Variants in ABTB1 observed in about 807,000 individuals in gnomAD.
ABTB1 encodes ankyrin repeat and BTB/POZ domain-containing protein 1.
ABTB1 carries 45 observed loss-of-function variants against 57.1 expected under a neutral mutation model. The ratio of observed to expected loss-of-function variants is 0.79; its 90% CI spans 0.62 to 1.01. The LOEUF (loss-of-function observed/expected upper bound fraction) is 1.01, where lower values mean the gene tolerates loss of function less well. Ranked by LOEUF, ABTB1 falls within the 50% of genes least tolerant of loss-of-function variation. The probability of loss-of-function intolerance (pLI) is 0.00; values close to 1 mark genes in which losing one functional copy is unlikely to be tolerated. For missense variants in ABTB1, 630 were observed against 666.3 expected, an observed-to-expected ratio of 0.95 and a Z score of 0.60; for synonymous variants, 302 against 275.4, an observed-to-expected ratio of 1.10 and a Z score of -0.95.
chr3:127,674,249 C>G lies in ABTB1; in HGVS notation c.57-142C>G, dbSNP rs989741513. Reference sequence around the variant, plus strand: ...CTTTGCCTTGAGTGCCTCTCCTGCTCTGGTCTGCCTGTCACCTGCCCTCAC... The same window carrying G: ...CTTTGCCTTGAGTGCCTCTCCTGCTGTGGTCTGCCTGTCACCTGCCCTCAC... On this transcript the variant is annotated intron_variant, in intron 1 of 11. Coordinates refer to ENST00000232744, the MANE Select transcript of ABTB1 (RefSeq NM_172027.3). 3.7e-6 allele frequency: 4 copies of G among 1,083,840 alleles called. No homozygotes were observed. In the African/African-American group the frequency reaches 6.3e-5, roughly 17 times the overall value. The allele number at this position is 1,083,840 out of a possible 1,614,324, so 67.1% of individuals were successfully genotyped here.
rs372348912 is a variant in ABTB1, at chr3:127,677,570, G to A, written c.861+7G>A. 39 of 1,613,820 alleles carry A rather than the reference G, an allele frequency of 2.4e-5. No individual in the cohort carries two copies. The African/African-American group carries it at 4.9e-4, about 20-fold the overall frequency. On this transcript the variant is annotated splice_region_variant and intron_variant, in intron 9 of 11. Coordinates refer to ENST00000232744, the MANE Select transcript of ABTB1 (RefSeq NM_172027.3). The stretch of plus-strand genomic sequence containing the variant: ...CAGCTTCCTCTGCCACAAGGTGCCT[G>A]TGCCCTCCTGTTGCCCCTGGCCCCA...
chr3:127,673,041 C>T lies in ABTB1; in HGVS notation c.16C>T (p.Leu6=), dbSNP rs1174045629. The T allele has an allele frequency of 6.4e-7, 1 of 1,574,536 alleles. No homozygotes were observed. Among genetic ancestry groups the T allele is most frequent in the Non-Finnish European group, 8.6e-7 (1 of 1,160,462 alleles). MDTSD[L]FASCRKGDVG... ...CCTCCGCGCCATGGACACCAGCGACCTGTTCGCCAGCTGCAGGAAGGGGGA... is the reference window on the plus strand; with the variant it reads ...CCTCCGCGCCATGGACACCAGCGACTTGTTCGCCAGCTGCAGGAAGGGGGA... The change falls in exon 1 of 12, where the codon CTG becomes TTG. Residue 6 remains leucine (L), a synonymous_variant. Transcript: ENST00000232744.
chr3:127,679,743 C>T (rs972431684), intron 10 of ABTB1: 2 of 598,606 alleles, frequency 3.3e-6, no homozygotes, highest in Non-Finnish European at 6.1e-6. Flanking sequence ...CCTGCCCTGC[C>T]AGCCTGCTCA....
intron 10 of ABTB1, chr3:127,678,086 A>C (rs2075030270): frequency 2.5e-6 from 1 of 397,682 alleles, no homozygotes; most frequent in Non-Finnish European, 4.6e-6. Flanking sequence ...CTTGTCAGCC[A>C]CTTGGGATCC....
Position 127,673,016 on chromosome 3 carries a change from C to T in ABTB1, c.-10C>T, listed in dbSNP as rs764207415. The T allele has an allele frequency of 2.6e-6, 4 of 1,562,908 alleles. No individual in the cohort carries two copies. Among genetic ancestry groups the T allele is most frequent in the Admixed American group, 1.8e-5 (1 of 54,672 alleles). On this transcript the variant is annotated 5_prime_UTR_variant, in exon 1 of 12. Transcript: ENST00000232744. ...CGAGGTCGTTCGGCTCGGGTACCAT[C>T]CTCCGCGCCATGGACACCAGCGACC...
rs760348597 is a variant in ABTB1 at position 127,676,564 on chromosome 3, T to G, written c.509T>G (p.Leu170Arg). Residue 170 changes from leucine (L) to arginine (R), a missense_variant, in exon 6 of 12, where the codon CTG becomes CGG. This residue lies in a region of ABTB1 where 579 missense variants were observed against 585.9 expected (regional missense o/e 0.99). Coordinates refer to ENST00000232744, the MANE Select transcript of ABTB1 (RefSeq NM_172027.3). The surrounding 1 kb of genome is among the most constrained non-coding windows in gnomAD (Gnocchi z 5.4). ...AACCCCGTGGCCTTTGGGGCCCTGCTGCAGTACCTGTACACAGGTGACCCC... is the reference window on the plus strand; with the variant it reads ...AACCCCGTGGCCTTTGGGGCCCTGCGGCAGTACCTGTACACAGGTGACCCC... ...LINPVAFGAL[L>R]QYLYTGRLDI... 6.2e-7 allele frequency: 1 copy of G among 1,613,982 alleles called. No homozygotes were observed. Among genetic ancestry groups the G allele is most frequent in the Non-Finnish European group, 8.5e-7 (1 of 1,179,982 alleles).
rs1358235774 is a variant in ABTB1 at position 127,676,086 on chromosome 3, C to T, written c.292C>T (p.Arg98Trp). ...YKQVTASCRR[R>W]DYYDDFLQRL... ...GCAGGTCACGGCTTCCTGCAGGAGG[C>T]GGGATTACTATGACGACTTCTTGCA... The change falls in exon 4 of 12, where the codon CGG becomes TGG. Residue 98 changes from arginine to tryptophan, a missense_variant. Physicochemically the swap from Arg to Trp is moderately radical, Grantham distance 101. This residue lies in a region of ABTB1 where 579 missense variants were observed against 585.9 expected (regional missense o/e 0.99). Coordinates refer to ENST00000232744, the MANE Select transcript of ABTB1 (RefSeq NM_172027.3). The surrounding 1 kb of genome is among the most constrained non-coding windows in gnomAD (Gnocchi z 5.4). 1.9e-6 allele frequency: 3 copies of T among 1,613,254 alleles called. No homozygotes were observed. Among genetic ancestry groups the T allele is most frequent in the East Asian group, 4.5e-5 (2 of 44,880 alleles).
chr3:127,675,916 T>A (rs1446151040), intron 3 of ABTB1, 54 bp from the exon 4 acceptor site: 3 of 1,579,780 alleles, frequency 1.9e-6, no homozygotes, highest in Non-Finnish European at 2.6e-6. Flanking sequence ...ACAGGGAGAT[T>A]AGAATTTCCC....
At chr3:127,674,622 C>G in intron 3 of ABTB1, 22 bp downstream of exon 3, 1 of 1,614,076 alleles carries the variant, frequency 6.2e-7, no homozygotes, top group Non-Finnish European at 8.5e-7. Context: ...GAGCCCGGCT[C>G]ACGGGTGTGC....
At chr3:127,673,900 C>T (rs2074912133) in intron 1 of ABTB1, among the ~76,000 whole-genome samples, 1 of 152,172 alleles carries the variant, frequency 6.6e-6, no homozygotes, top group African/African-American at 2.4e-5. Context: ...TTAGCATTGG[C>T]GACTCCCCTC....
In ABTB1 at chr3:127,676,459, C is replaced by T. The variant is rs750175642; in HGVS notation, c.480+28C>T. The T allele has an allele frequency of 1.9e-6, 3 of 1,613,986 alleles. No homozygotes were observed. In the South Asian group the frequency reaches 3.3e-5, roughly 18 times the overall value. On this transcript the variant is annotated intron_variant, in intron 5 of 11. Coordinates refer to ENST00000232744, the MANE Select transcript of ABTB1 (RefSeq NM_172027.3). The surrounding 1 kb of genome is among the most constrained non-coding windows in gnomAD (Gnocchi z 5.4). ...ATGTCCCTTCAGGGTGGCAGAGGGGCATGAACTGTCCAGGAACAGCAGGAG... is the reference window on the plus strand; with the variant it reads ...ATGTCCCTTCAGGGTGGCAGAGGGGTATGAACTGTCCAGGAACAGCAGGAG...
intron 8 of ABTB1, 36 bp downstream of exon 8, chr3:127,677,322 G>A (rs1440703592): frequency 1.3e-6 from 2 of 1,574,428 alleles, no homozygotes; most frequent in Non-Finnish European, 1.7e-6. Flanking sequence ...AGGGCGTTTT[G>A]GGATGGCAGG....
At position 127,677,616 on chromosome 3, in the gene ABTB1, G is replaced by A. The variant is rs564433161; in HGVS notation, c.861+53G>A. The A allele has an allele frequency of 1.0e-4, 164 of 1,613,172 alleles. 1 individual carries two copies. In the Admixed American group the frequency reaches 2.3e-3, roughly 22 times the overall value. ...CCCCAGCCCGTTGCCCTGAGCCCCC[G>A]TCTAGCTCCTCAGGAGACAGACCCT... On this transcript the variant is annotated intron_variant, in intron 9 of 11. Coordinates refer to ENST00000232744, the MANE Select transcript of ABTB1 (RefSeq NM_172027.3).
At position 127,677,495 on chromosome 3, in the gene ABTB1, C is replaced by T. The variant is rs1474839215; in HGVS notation, c.793C>T (p.Pro265Ser). ...TCTTTGGGAGCTGCCCTTCCCTTGT[C>T]CTGACGGCTTCAACAGCTGCCCTGA... The part of the protein sequence containing the change: ...GDLWELPFPC[P>S]DGFNSCPDIC... The change falls in exon 9 of 12, where the codon CCT becomes TCT. Residue 265 changes from proline (P) to serine (S), a missense_variant. By Grantham distance (74) the Pro-to-Ser change is moderately conservative. Around this residue, in one of 3 missense-constraint regions of ABTB1, gnomAD observed 579 missense variants for 585.9 expected, o/e 0.99. Transcript: ENST00000232744. 1 of 1,614,042 alleles carries T rather than the reference C, an allele frequency of 6.2e-7. No individual in the cohort carries two copies. The highest frequency in any genetic ancestry group is 8.5e-7 in the Non-Finnish European group (1 of 1,180,038).
In ABTB1 at chr3:127,680,635, C is replaced by T; in HGVS notation, c.*160C>T. 2 of 933,660 alleles carry T rather than the reference C, an allele frequency of 2.1e-6. No homozygotes were observed. The highest frequency in any genetic ancestry group is 3.4e-6 in the Non-Finnish European group (2 of 586,958). 57.8% of individuals were successfully genotyped at this position (933,660 alleles called of 1,614,324 possible). A position where few individuals can be genotyped will look rare whatever the true frequency, so the allele number is the denominator to read the frequency against. On this transcript the variant is annotated 3_prime_UTR_variant, in exon 12 of 12. Transcript: ENST00000232744. ...TCTCTTCCCTCCATGAGCCTGGAGA[C>T]CCCAGGGGAGGATCCATTTGGGATG...
chr3:127,675,715 C>A, intron 3 of ABTB1: 2 of 553,160 alleles, frequency 3.6e-6, no homozygotes, highest in Non-Finnish European at 3.2e-6. Context: ...GCCCAGCCAC[C>A]AAGTCAGCTC....
chr3:127,676,827 A>T lies in ABTB1; in HGVS notation c.527-140A>T, dbSNP rs2074993928. On this transcript the variant is annotated intron_variant, in intron 6 of 11. Coordinates refer to ENST00000232744, the MANE Select transcript of ABTB1 (RefSeq NM_172027.3). The surrounding 1 kb of genome is among the most constrained non-coding windows in gnomAD (Gnocchi z 5.4). ...CCTGGGGCCTGTAGAACAGCTTTTG[A>T]TGGGGAAACCATGGTGGCAAGTGGG... 3.2e-6 allele frequency: 3 copies of T among 931,562 alleles called. No individual in the cohort carries two copies. Among genetic ancestry groups the T allele is most frequent in the Non-Finnish European group, 4.8e-6 (3 of 624,544 alleles). The allele number at this position is 931,562 out of a possible 1,614,324, so 57.7% of individuals were successfully genotyped here.
intron 3 of ABTB1, among the ~76,000 whole-genome samples, chr3:127,675,168 C>G (rs554932967): frequency 1.3e-5 from 2 of 152,198 alleles, no homozygotes; most frequent in East Asian, 3.8e-4. Flanking sequence ...GCCCACTCCC[C>G]CTTCATTCAG....
intron 1 of ABTB1, chr3:127,673,322 G>A: frequency 9.0e-6 from 3 of 333,268 alleles, no homozygotes; most frequent in Non-Finnish European, 1.6e-5. Flanking sequence ...AGAAGGGACT[G>A]CTCAGCGGAG....
Sources: allele counts gnomAD v4.1 joint callset (sites outside exome capture counted in the v4.1 genomes callset), GRCh38; gene constraint gnomAD v4.1.1; regional missense constraint gnomAD v4.1.1; non-coding constraint Gnocchi (gnomAD v3.1); transcripts MANE v1.5; gene names NCBI Gene and HGNC (gene_info 2026-07-23, HGNC 2026-07-21).